Variants in EPHA6 observed in about 807,000 individuals in gnomAD.
The protein encoded by EPHA6 is EPH receptor A6, also known as ephrin type-A receptor 6.
In EPHA6, 50 loss-of-function variants were observed where a neutral mutation model predicts 112.0. The ratio of observed to expected loss-of-function variants is 0.45; its 90% CI spans 0.36 to 0.56. EPHA6 has a LOEUF of 0.56. EPHA6 is among the 20% of genes least tolerant of loss of function. The pLI, the probability that EPHA6 is intolerant of heterozygous loss-of-function variation, is 0.00. For synonymous variants in EPHA6, 529 were observed against 490.7 expected (o/e 1.08, Z -1.03); for missense variants, 1,280 against 1,417.4 (o/e 0.90, Z 1.56).
chr3:97,613,058 TA>T (rs1167879469), intron 13 of EPHA6, among the ~76,000 whole-genome samples: 4 of 151,872 alleles, frequency 2.6e-5, no homozygotes, highest in African/African-American at 9.7e-5. Context: ...GTCACATTAT[TA>T]TAATGCAAAA....
At chr3:97,131,837 A>ATAT (rs1183137744) in intron 3 of EPHA6, among the ~76,000 whole-genome samples, 14 of 152,298 alleles carry the variant, frequency 9.2e-5, no homozygotes, top group African/African-American at 3.1e-4. Flanking sequence ...ATACGTTATT[A>ATAT]TACAGGTTGT....
rs2039012211 is a variant in EPHA6, at chr3:96,907,782, A to G, written c.450+40893A>G. Among the ~76,000 whole-genome samples, 3 of 151,938 alleles carry G rather than the reference A, an allele frequency of 2.0e-5. No homozygotes were observed. In the Admixed American group the frequency reaches 2.0e-4, roughly 10 times the overall value. On this transcript the variant is annotated intron_variant, in intron 2 of 17. Transcript: ENST00000389672. The stretch of plus-strand genomic sequence containing the variant: ...TAATTTACAACATACCTTGAGTTAT[A>G]CAACCTTGGGAAATTGTCAAAAGTT...
intron 5 of EPHA6, among the ~76,000 whole-genome samples, chr3:97,379,376 A>T (rs920388632): frequency 6.6e-6 from 1 of 152,196 alleles, no homozygotes; most frequent in African/African-American, 2.4e-5. Context: ...TAACATATAC[A>T]TAATTGAAGC....
intron 7 of EPHA6, among the ~76,000 whole-genome samples, chr3:97,467,729 C>T (rs1339682105): frequency 6.6e-6 from 1 of 151,730 alleles, no homozygotes; most frequent in Admixed American, 6.6e-5. Flanking sequence ...TTACAAATTA[C>T]ATCTTTGACA....
intron 5 of EPHA6, among the ~76,000 whole-genome samples, chr3:97,362,993 T>A (rs2084459319): frequency 6.6e-6 from 1 of 150,764 alleles, no homozygotes; most frequent in Non-Finnish European, 1.5e-5. Flanking sequence ...AATTTATTAT[T>A]GTTATACTTT....
At position 96,987,578 on chromosome 3, in the gene EPHA6, A is replaced by T. The variant is rs763989107; in HGVS notation, c.699A>T (p.Lys233Asn). Residue 233 changes from lysine (K) to asparagine (N), a missense_variant, in exon 3 of 18, where the codon AAA becomes AAT. This residue lies in a region of EPHA6 where 878 missense variants were observed against 999.7 expected (regional missense o/e 0.88). Coordinates refer to ENST00000389672, the MANE Select transcript of EPHA6 (RefSeq NM_001080448.3). ...AATCAGATGAGTCCCACGGAATTAAATTCAAGCCAAACCAGTATACAAAGA... is the reference window on the plus strand; with the variant it reads ...AATCAGATGAGTCCCACGGAATTAATTTCAAGCCAAACCAGTATACAAAGA... Reference protein sequence around the residue: ...YMESDESHGIKFKPNQYTKID... With the variant: ...YMESDESHGINFKPNQYTKID... The T allele has an allele frequency of 1.2e-6, 2 of 1,614,004 alleles. No homozygotes were observed. Among genetic ancestry groups the T allele is most frequent in the South Asian group, 2.2e-5 (2 of 91,090 alleles).
intron 3 of EPHA6, among the ~76,000 whole-genome samples, chr3:97,068,955 A>G (rs1035925104): frequency 3.3e-5 from 5 of 152,122 alleles, no homozygotes; most frequent in Admixed American, 6.6e-5. Context: ...CACCCAGTAC[A>G]TGGCAATTTG....
Position 97,752,823 on chromosome 3 carries a change from T to C in EPHA6, c.*4122T>C, listed in dbSNP as rs2035933417. Among the ~76,000 whole-genome samples the C allele has an allele frequency of 6.6e-6, 1 of 152,078 alleles. No homozygotes were observed. On this transcript the variant is annotated 3_prime_UTR_variant, in exon 18 of 18. Transcript: ENST00000389672. ...ATTAGTATTTTAAGATCAATATCTG[T>C]TATTATAAACTCACAGTTGGTGTCC...
intron 5 of EPHA6, among the ~76,000 whole-genome samples, chr3:97,309,223 A>G (rs1426868109): frequency 7.3e-5 from 11 of 151,636 alleles, no homozygotes; most frequent in African/African-American, 2.7e-4. Flanking sequence ...TGTGTTATAG[A>G]CACATAAAAA....
intron 1 of EPHA6, 35 bp downstream of exon 1, chr3:96,815,043 G>C: frequency 6.8e-7 from 1 of 1,468,836 alleles, no homozygotes; most frequent in Non-Finnish European, 9.1e-7. Context: ...GAGTGGGTGG[G>C]AGGAGGAGGG....
chr3:96,906,924 C>A (rs143642179), intron 2 of EPHA6, among the ~76,000 whole-genome samples: 1 of 151,344 alleles, frequency 6.6e-6, no homozygotes, highest in Non-Finnish European at 1.5e-5. Context: ...ACACTAATTT[C>A]GAGATAAATG....
chr3:97,033,546 A>T (rs1286427697), intron 3 of EPHA6, among the ~76,000 whole-genome samples: 1 of 152,004 alleles, frequency 6.6e-6, no homozygotes, highest in South Asian at 2.1e-4. Flanking sequence ...GGTTTTACTC[A>T]TAAAAAGTGG....
At chr3:97,228,710 T>C (rs2078434489) in intron 4 of EPHA6, among the ~76,000 whole-genome samples, 1 of 152,148 alleles carries the variant, frequency 6.6e-6, no homozygotes, top group East Asian at 1.9e-4. Flanking sequence ...AATAATGACA[T>C]CTTTTCCTCT....
intron 5 of EPHA6, among the ~76,000 whole-genome samples, chr3:97,320,324 T>G (rs979740911): frequency 1.3e-5 from 2 of 151,742 alleles, no homozygotes; most frequent in Non-Finnish European, 2.9e-5. Flanking sequence ...AATGAAAAAT[T>G]TATATGTTTA....
intron 7 of EPHA6, 31 bp downstream of exon 7, chr3:97,448,761 T>C: frequency 6.2e-7 from 1 of 1,608,296 alleles, no homozygotes; most frequent in Middle Eastern, 1.7e-4. Flanking sequence ...TAACATAAGA[T>C]GTGAATTTAG....
At chr3:97,642,373 A>C (rs375861963) in intron 14 of EPHA6, among the ~76,000 whole-genome samples, 1 of 137,406 alleles carries the variant, frequency 7.3e-6, no homozygotes, top group African/African-American at 2.8e-5. Flanking sequence ...AACTCTAAAA[A>C]GCAGAGCGCC....
intron 11 of EPHA6, among the ~76,000 whole-genome samples, chr3:97,546,706 C>T (rs1422120891): frequency 6.6e-6 from 1 of 152,236 alleles, no homozygotes; most frequent in African/African-American, 2.4e-5. Context: ...GTACACCAAT[C>T]AGACGTAGAT....
chr3:97,228,537 G>GTGTATA (rs1559813089), intron 4 of EPHA6, among the ~76,000 whole-genome samples: 1 of 148,200 alleles, frequency 6.7e-6, no homozygotes, highest in African/African-American at 2.6e-5. Flanking sequence ...GTGTGTGTGT[G>GTGTATA]TGTATATATA....
chr3:97,748,519 C>A (rs201185145), intron 17 of EPHA6, 68 bp from the exon 18 acceptor site: 1 of 84,202 alleles, frequency 1.2e-5, no homozygotes, highest in Non-Finnish European at 2.1e-5. Context: ...TATTCTGTAT[C>A]TCTCTCTCTC....
Sources: allele counts gnomAD v4.1 joint callset (sites outside exome capture counted in the v4.1 genomes callset), GRCh38; gene constraint gnomAD v4.1.1; regional missense constraint gnomAD v4.1.1; transcripts MANE v1.5; gene names NCBI Gene and HGNC (gene_info 2026-07-23, HGNC 2026-07-21).